Variants in GPC5 observed in about 807,000 individuals in gnomAD.
GPC5 encodes the protein glypican 5.
In GPC5, 47 loss-of-function variants were observed where a neutral mutation model predicts 53.9. The ratio of observed to expected loss-of-function variants is 0.87; its 90% CI spans 0.69 to 1.11. The LOEUF is 1.11. Among genes scored for constraint, GPC5 ranks in the 50% most tolerant of loss-of-function variants. GPC5 has a pLI of 0.00. For missense variants in GPC5, 748 were observed against 713.1 expected (o/e 1.05, Z -0.56); for synonymous variants, 286 against 263.3 (o/e 1.09, Z -0.84).
intron 6 of GPC5, among the ~76,000 whole-genome samples, chr13:92,054,692 C>A (rs544737838): frequency 6.6e-5 from 10 of 152,136 alleles, no homozygotes; most frequent in Non-Finnish European, 1.5e-4. Context: ...TTGACATTGT[C>A]TGACAAGTGA....
At chr13:91,873,041 A>G (rs1476413838) in intron 5 of GPC5, among the ~76,000 whole-genome samples, 2 of 152,228 alleles carry the variant, frequency 1.3e-5, no homozygotes, top group Non-Finnish European at 2.9e-5. Context: ...TAGATGCAGT[A>G]TTTTTCTATC....
chr13:91,660,179 T>C (rs1486811220), intron 2 of GPC5, among the ~76,000 whole-genome samples: 2 of 152,212 alleles, frequency 1.3e-5, no homozygotes, highest in Non-Finnish European at 2.9e-5. Flanking sequence ...TATCAGTTAT[T>C]GATTAAGTTT....
intron 2 of GPC5, among the ~76,000 whole-genome samples, chr13:91,512,940 C>A (rs1186395678): frequency 6.6e-6 from 1 of 151,832 alleles, no homozygotes; most frequent in Non-Finnish European, 1.5e-5. Flanking sequence ...TTCTTGATAA[C>A]TTTTTACATC....
chr13:91,995,681 T>C (rs2040497518), intron 6 of GPC5: 1 of 152,216 alleles, frequency 6.6e-6, no homozygotes, highest in Non-Finnish European at 1.5e-5. Flanking sequence ...ACTAAACTCA[T>C]GTTGTTTCTC....
intron 2 of GPC5, among the ~76,000 whole-genome samples, chr13:91,663,598 C>T (rs2035036998): frequency 1.3e-5 from 2 of 152,014 alleles, no homozygotes; most frequent in African/African-American, 2.4e-5. Flanking sequence ...GCTAGGACTA[C>T]AGGTGTGAGC....
chr13:92,173,575 A>AT (rs148317994), intron 7 of GPC5, among the ~76,000 whole-genome samples: 1,910 of 152,230 alleles, frequency 0.013, 33 homozygotes, highest in African/African-American at 0.044. Context: ...AATTTTGCTA[A>AT]TTTTTTAGGA....
In GPC5 at chr13:91,489,490, G is replaced by A. The variant is rs140871307; in HGVS notation, c.325+40568G>A. ...ATAGAAATAAGTAGTACAGAATAAC[G>A]TCTGAGGTCTGTCACTTAATAAATA... On this transcript the variant is annotated intron_variant, in intron 2 of 7. Coordinates refer to ENST00000377067, the MANE Select transcript of GPC5 (RefSeq NM_004466.6). 3.7e-3 allele frequency among the ~76,000 whole-genome samples: 557 copies of A among 152,242 alleles called. 2 individuals carry two copies. Among genetic ancestry groups the A allele is most frequent in the Non-Finnish European group, 5.6e-3 (378 of 68,014 alleles).
At chr13:92,501,923 G>A (rs889385750) in intron 7 of GPC5, among the ~76,000 whole-genome samples, 1 of 152,064 alleles carries the variant, frequency 6.6e-6, no homozygotes, top group Non-Finnish European at 1.5e-5. Context: ...AGAATCTGTT[G>A]CTGTCAGAAT....
intron 7 of GPC5, among the ~76,000 whole-genome samples, chr13:92,612,362 T>C (rs1884466907): frequency 1.3e-5 from 2 of 152,202 alleles, no homozygotes; most frequent in East Asian, 1.9e-4. Context: ...ATTAACTTCT[T>C]GGAGACTTGA....
chr13:92,318,841 G>A (rs1259686720), intron 7 of GPC5, among the ~76,000 whole-genome samples: 3 of 152,128 alleles, frequency 2.0e-5, no homozygotes, highest in South Asian at 2.1e-4. Context: ...TATTTGAATA[G>A]AGGGTAGATG....
chr13:92,646,420 G>A (rs1885771339), intron 7 of GPC5, among the ~76,000 whole-genome samples: 1 of 152,062 alleles, frequency 6.6e-6, no homozygotes, highest in African/African-American at 2.4e-5. Context: ...TCTTACTATA[G>A]CTTTATAGTG....
At chr13:91,908,476 C>A (rs1566335942) in intron 6 of GPC5, among the ~76,000 whole-genome samples, 1 of 152,052 alleles carries the variant, frequency 6.6e-6, no homozygotes, top group African/African-American at 2.4e-5. Flanking sequence ...TAAGTTAGGT[C>A]ATAGATGAAT....
intron 7 of GPC5, among the ~76,000 whole-genome samples, chr13:92,828,810 T>C (rs944422634): frequency 2.0e-5 from 3 of 151,892 alleles, no homozygotes; most frequent in African/African-American, 7.3e-5. Context: ...ACAGACAGAG[T>C]GGCATAATAA....
intron 7 of GPC5, among the ~76,000 whole-genome samples, chr13:92,851,660 T>C (rs1370762452): frequency 4.0e-5 from 6 of 149,986 alleles, no homozygotes; most frequent in Admixed American, 4.0e-4. Context: ...GGAGGGCGGA[T>C]CACAAGATCA....
At chr13:92,750,935 A>C (rs1339705166) in intron 7 of GPC5, among the ~76,000 whole-genome samples, 2 of 152,150 alleles carry the variant, frequency 1.3e-5, no homozygotes, top group African/African-American at 4.8e-5. Context: ...ATTTCTATAG[A>C]AACAAAAAAG....
intron 7 of GPC5, among the ~76,000 whole-genome samples, chr13:92,760,052 A>G (rs1050450915): frequency 6.6e-6 from 1 of 152,134 alleles, no homozygotes; most frequent in Non-Finnish European, 1.5e-5. Flanking sequence ...CTTGCATACC[A>G]GGATTAAATG....
chr13:92,252,967 A>C (rs1281272774), intron 7 of GPC5, among the ~76,000 whole-genome samples: 1 of 152,160 alleles, frequency 6.6e-6, no homozygotes, highest in African/African-American at 2.4e-5. Context: ...ATAGACGATC[A>C]AAGTAGAAGT....
chr13:91,786,243 C>T (rs548968894), intron 5 of GPC5, among the ~76,000 whole-genome samples: 10 of 152,292 alleles, frequency 6.6e-5, no homozygotes, highest in Admixed American at 3.3e-4. Context: ...GATCCGCCTG[C>T]GTCAGCCTCC....
At chr13:91,592,732 C>T (rs558053431) in intron 2 of GPC5, among the ~76,000 whole-genome samples, 1 of 152,290 alleles carries the variant, frequency 6.6e-6, no homozygotes, top group South Asian at 2.1e-4. Flanking sequence ...GGATCCAAAG[C>T]CTTCCTAGGT....
Sources: gnomAD v4.1 joint callset for allele counts (sites outside exome capture counted in the v4.1 genomes callset) on GRCh38, gnomAD v4.1.1 for gene constraint, MANE v1.5 for transcripts, NCBI Gene and HGNC (gene_info 2026-07-23, HGNC 2026-07-21) for gene names.